GABRA6: variants seen among roughly 807,000 people sequenced by gnomAD.
GABRA6 encodes gamma-aminobutyric acid type A receptor subunit alpha6.
In GABRA6, 45 loss-of-function variants were observed where a neutral mutation model predicts 47.3. That is an observed-to-expected ratio of 0.95 (90% confidence interval 0.75 to 1.22). The LOEUF is 1.22. Among genes scored for constraint, GABRA6 ranks in the 50% most tolerant of loss-of-function variants. The pLI is 0.00. For synonymous variants in GABRA6, 219 were observed against 194.7 expected (o/e 1.12, Z -1.04); for missense variants, 583 against 549.3 (o/e 1.06, Z -0.61).
intron 7 of GABRA6, among the ~76,000 whole-genome samples, chr5:161,691,288 C>CTTTTTTTTTTTT (rs1160422481): frequency 7.1e-4 from 60 of 84,722 alleles, no homozygotes; most frequent in Admixed American, 1.1e-3. Flanking sequence ...TTTTTCTTTC[C>CTTTTTTTTTTTT]TTTTTTTTTT....
chr5:161,690,564 T>C (rs73307560), intron 7 of GABRA6, among the ~76,000 whole-genome samples: 4,052 of 152,312 alleles, frequency 0.027, 169 homozygotes, highest in African/African-American at 0.085. Flanking sequence ...GTGAGAATTA[T>C]GGCTGGTTTC....
At chr5:161,687,548 A>G (rs1411650740) in intron 3 of GABRA6, 1 of 456,068 alleles carries the variant, frequency 2.2e-6, no homozygotes, top group South Asian at 1.5e-5. Flanking sequence ...AGCATTCATA[A>G]GAGGGTATTT....
Position 161,688,954 on chromosome 5 carries a change from T to C in GABRA6, c.231T>C (p.Tyr77=). Residue 77 remains tyrosine (Y), a synonymous_variant, in exon 4 of 9, where the codon TAT becomes TAC. Coordinates refer to ENST00000274545, the MANE Select transcript of GABRA6 (RefSeq NM_000811.3). The part of the protein sequence containing the change: ...FGPVSDVEME[Y]TMDVFFRQTW... Reference sequence around the variant, plus strand: ...AATATTTTATTTTCTCTTAGGAGTATACGATGGATGTTTTTTTCCGCCAGA... The same window carrying C: ...AATATTTTATTTTCTCTTAGGAGTACACGATGGATGTTTTTTTCCGCCAGA... The C allele has an allele frequency of 1.9e-6, 3 of 1,612,874 alleles. No individual in the cohort carries two copies. The highest frequency in any genetic ancestry group is 1.3e-5 in the African/African-American group (1 of 75,014).
chr5:161,698,668 G>A (rs370640970), intron 8 of GABRA6, among the ~76,000 whole-genome samples: 12 of 152,024 alleles, frequency 7.9e-5, no homozygotes, highest in African/African-American at 2.9e-4. Flanking sequence ...ACAGAAACTT[G>A]AAGCTGAGAG....
At chr5:161,691,209 A>ATATT (rs950330591) in intron 7 of GABRA6, among the ~76,000 whole-genome samples, 1 of 151,158 alleles carries the variant, frequency 6.6e-6, no homozygotes, top group Non-Finnish European at 1.5e-5. Flanking sequence ...TATTTATACC[A>ATATT]TATTTATTTA....
chr5:161,693,558 C>G (rs886606021), intron 8 of GABRA6, among the ~76,000 whole-genome samples: 2 of 152,030 alleles, frequency 1.3e-5, no homozygotes, highest in African/African-American at 4.8e-5. Flanking sequence ...CACCTGTCAT[C>G]CCAGCATTTT....
chr5:161,691,282 TC>T (rs1754785040), intron 7 of GABRA6, among the ~76,000 whole-genome samples: 1 of 145,950 alleles, frequency 6.9e-6, no homozygotes. Flanking sequence ...TTTTTCTTTT[TC>T]TTTCCTTTTT....
At chr5:161,701,180 C>A (rs1204950902) in intron 8 of GABRA6, among the ~76,000 whole-genome samples, 1 of 152,132 alleles carries the variant, frequency 6.6e-6, no homozygotes, top group African/African-American at 2.4e-5. Flanking sequence ...GTGGCTAGGC[C>A]TCTGCAACCT....
At chr5:161,696,638 T>C (rs1754891078) in intron 8 of GABRA6, among the ~76,000 whole-genome samples, 1 of 152,106 alleles carries the variant, frequency 6.6e-6, no homozygotes, top group South Asian at 2.1e-4. Flanking sequence ...TCTGATATGT[T>C]TTCTAGAGAT....
At chr5:161,686,063 T>C in intron 1 of GABRA6, 36 bp downstream of exon 1, 1 of 1,601,982 alleles carries the variant, frequency 6.2e-7, no homozygotes, top group Non-Finnish European at 8.6e-7. Flanking sequence ...TTTCTTTTTA[T>C]CTCAGAGGAA....
intron 8 of GABRA6, among the ~76,000 whole-genome samples, chr5:161,699,331 T>C (rs1208919503): frequency 6.6e-6 from 1 of 152,168 alleles, no homozygotes; most frequent in East Asian, 1.9e-4. Flanking sequence ...GGGAGGAGGA[T>C]GGCTCTTTTT....
At chr5:161,693,257 T>C (rs1035272066) in intron 8 of GABRA6, among the ~76,000 whole-genome samples, 3 of 152,220 alleles carry the variant, frequency 2.0e-5, no homozygotes, top group African/African-American at 7.2e-5. Flanking sequence ...CATTTTCTTA[T>C]TGACATTTTG....
intron 8 of GABRA6, among the ~76,000 whole-genome samples, chr5:161,697,189 C>T (rs1356652447): frequency 1.3e-5 from 2 of 152,162 alleles, no homozygotes; most frequent in African/African-American, 2.4e-5. Context: ...AAACCACAGG[C>T]GTTCCACTCA....
chr5:161,692,421 A>G (rs1754810299), intron 8 of GABRA6, among the ~76,000 whole-genome samples: 1 of 152,168 alleles, frequency 6.6e-6, no homozygotes, highest in Non-Finnish European at 1.5e-5. Context: ...TTCTTTCATC[A>G]TCCTCACTTA....
chr5:161,690,025 T>C, intron 6 of GABRA6, 176 bp from the exon 7 acceptor site: 1 of 687,658 alleles, frequency 1.5e-6, no homozygotes, highest in Admixed American at 2.4e-5. Flanking sequence ...AATAAGTTGA[T>C]GTGTCTCTTC....
At chr5:161,695,070 T>C (rs1401801244) in intron 8 of GABRA6, among the ~76,000 whole-genome samples, 3 of 152,180 alleles carry the variant, frequency 2.0e-5, no homozygotes, top group Non-Finnish European at 4.4e-5. Flanking sequence ...CAAACTAATG[T>C]GGTGAAGTTG....
At chr5:161,687,257 A>T (rs944365934) in intron 3 of GABRA6, 6 of 500,970 alleles carry the variant, frequency 1.2e-5, no homozygotes, top group Non-Finnish European at 2.2e-5. Context: ...CTATGCACTA[A>T]TTCTTCCCTC....
chr5:161,689,531 C>A, intron 5 of GABRA6, 105 bp from the exon 6 acceptor site: 1 of 1,157,684 alleles, frequency 8.6e-7, no homozygotes, highest in Non-Finnish European at 1.3e-6. Context: ...ACATTAAATA[C>A]AATCTATGTT....
intron 2 of GABRA6, 58 bp downstream of exon 2, chr5:161,686,406 C>A: frequency 7.7e-7 from 1 of 1,298,114 alleles, no homozygotes; most frequent in Non-Finnish European, 1.1e-6. Context: ...CCGTTTCTGC[C>A]CTTTGAAGAC....
Sources: gnomAD v4.1 joint callset for allele counts (sites outside exome capture counted in the v4.1 genomes callset) on GRCh38, gnomAD v4.1.1 for gene constraint, MANE v1.5 for transcripts, NCBI Gene and HGNC (gene_info 2026-07-23, HGNC 2026-07-21) for gene names.